LMBRD2: variants seen among roughly 807,000 people sequenced by gnomAD.
The protein encoded by LMBRD2 is LMBR1 domain containing 2, also known as G protein-coupled receptor-associated protein LMBRD2.
A neutral mutation model predicts 94.4 loss-of-function variants in LMBRD2; 55 were observed. The ratio of observed to expected loss-of-function variants is 0.58; its 90% CI spans 0.47 to 0.73. The LOEUF (loss-of-function observed/expected upper bound fraction) is 0.73. Among genes scored for constraint, LMBRD2 ranks in the 30% least tolerant of loss-of-function variants. The probability of loss-of-function intolerance (pLI) is 0.00; values close to 1 mark genes in which losing one functional copy is unlikely to be tolerated. For missense variants in LMBRD2, 640 were observed against 831.9 expected (o/e 0.77, Z 2.84); for synonymous variants, 246 against 272.4 (o/e 0.90, Z 0.95).
chr5:36,120,705 CTCT>C (rs914288188), intron 9 of LMBRD2, among the ~76,000 whole-genome samples: 5 of 152,132 alleles, frequency 3.3e-5, no homozygotes, highest in Non-Finnish European at 7.3e-5. Flanking sequence ...CCAATTGCTC[CTCT>C]TCTTATTTCT....
chr5:36,117,425 A>T (rs1743783758), intron 10 of LMBRD2, among the ~76,000 whole-genome samples: 1 of 152,076 alleles, frequency 6.6e-6, no homozygotes, highest in Non-Finnish European at 1.5e-5. Flanking sequence ...TTGAGGCTGC[A>T]GTGAGCCATG....
rs925408587 is a variant in LMBRD2 at position 36,102,650 on chromosome 5, C to A, written c.*1396G>T. On this transcript the variant is annotated 3_prime_UTR_variant, in exon 18 of 18. Coordinates refer to ENST00000296603, the MANE Select transcript of LMBRD2 (RefSeq NM_001007527.2). The stretch of plus-strand genomic sequence containing the variant: ...CATAGAGCTGTGTTTTAAAAAAAAA[C>A]TTACATGATAATATTTATTAAAAAT... The A allele has an allele frequency of 2.0e-5, 3 of 151,240 alleles. No homozygotes were observed. The highest frequency in any genetic ancestry group is 6.6e-5 in the Admixed American group (1 of 15,176). The allele number at this position is 151,240 out of a possible 1,614,324, so 9.4% of individuals were successfully genotyped here. A position where few individuals can be genotyped will look rare whatever the true frequency, so the allele number is the denominator to read the frequency against.
intron 13 of LMBRD2, among the ~76,000 whole-genome samples, chr5:36,113,749 T>C (rs886092845): frequency 2.0e-5 from 3 of 152,118 alleles, no homozygotes; most frequent in Admixed American, 2.0e-4. Flanking sequence ...TATGGAGCAC[T>C]TCAGCAATGA....
At chr5:36,139,691 T>C (rs1025559039) in intron 4 of LMBRD2, among the ~76,000 whole-genome samples, 19 of 152,206 alleles carry the variant, frequency 1.2e-4, no homozygotes, top group African/African-American at 4.1e-4. Flanking sequence ...GTCTCCTCTC[T>C]ACTGGGGGCT....
At chr5:36,144,263 A>T (rs1299900042) in intron 1 of LMBRD2, among the ~76,000 whole-genome samples, 1 of 152,214 alleles carries the variant, frequency 6.6e-6, no homozygotes, top group African/African-American at 2.4e-5. Context: ...AAAATTTACT[A>T]ATCAAAGGCA....
At chr5:36,109,210 T>G (rs953721095) in intron 15 of LMBRD2, among the ~76,000 whole-genome samples, 37 of 152,070 alleles carry the variant, frequency 2.4e-4, no homozygotes, top group African/African-American at 8.9e-4. Flanking sequence ...AAAACATCCT[T>G]GCCAGATGCT....
intron 4 of LMBRD2, 118 bp from the exon 5 acceptor site, chr5:36,137,559 T>A: frequency 3.6e-6 from 2 of 552,630 alleles, no homozygotes; most frequent in Non-Finnish European, 6.1e-6. Flanking sequence ...CATTAATAAA[T>A]GTTTATAAGT....
At chr5:36,148,460 T>C (rs1744606690) in intron 1 of LMBRD2, among the ~76,000 whole-genome samples, 2 of 152,176 alleles carry the variant, frequency 1.3e-5, no homozygotes, top group Admixed American at 1.3e-4. Flanking sequence ...TTCTTAAAGA[T>C]TTCATACATA....
chr5:36,109,334 T>C lies in LMBRD2; in HGVS notation c.1791+611A>G, dbSNP rs75015515. Among the ~76,000 whole-genome samples, 830 of 152,230 alleles carry C rather than the reference T, an allele frequency of 5.5e-3. 3 individuals carry two copies. The highest frequency in any genetic ancestry group is 0.01 in the Middle Eastern group (3 of 294). ...ATAGAGAAGAGAAATCTATCTCTAG[T>C]AACTTCTACTCTTTGGTTCTAGTTC... On this transcript the variant is annotated intron_variant, in intron 15 of 17. Transcript: ENST00000296603.
chr5:36,147,165 T>G (rs1233986903), intron 1 of LMBRD2, among the ~76,000 whole-genome samples: 1 of 152,164 alleles, frequency 6.6e-6, no homozygotes, highest in Non-Finnish European at 1.5e-5. Flanking sequence ...CCATACCATC[T>G]ATTTCTGTTG....
At chr5:36,141,246 T>C in intron 3 of LMBRD2, 44 bp from the exon 4 acceptor site, 1 of 1,083,184 alleles carries the variant, frequency 9.2e-7, no homozygotes, top group African/African-American at 1.6e-5. Flanking sequence ...AAATGACTAC[T>C]TAAATGAATT....
intron 1 of LMBRD2, among the ~76,000 whole-genome samples, chr5:36,148,594 C>G (rs184015208): frequency 6.6e-6 from 1 of 152,234 alleles, no homozygotes; most frequent in East Asian, 1.9e-4. Flanking sequence ...TGTATTAATA[C>G]TAGTACCTGC....
chr5:36,128,654 G>C (rs1744064620), intron 6 of LMBRD2, among the ~76,000 whole-genome samples: 1 of 152,096 alleles, frequency 6.6e-6, no homozygotes, highest in Admixed American at 6.6e-5. Context: ...GAGTCCAGGA[G>C]GTGGAGACTG....
Position 36,109,990 on chromosome 5 carries a change from C to T in LMBRD2, c.1746G>A (p.Glu582=). The part of the protein sequence containing the change: ...VNEGKELIRK[E]KRKRQRQEEG... ...CTTCTTGCCTTTGCCTTTTTCTCTT[C>T]TCTAAAGACAGAAAAATGATCTCAA... is the stretch of plus-strand genomic sequence containing the variant. Residue 582 remains glutamate (E), a splice_region_variant and synonymous_variant, in exon 15 of 18, where the codon GAG becomes GAA. Transcript: ENST00000296603. 2 of 1,606,136 alleles carry T rather than the reference C, an allele frequency of 1.2e-6. No homozygotes were observed. Among genetic ancestry groups the T allele is most frequent in the Non-Finnish European group, 8.5e-7 (1 of 1,173,886 alleles).
At chr5:36,124,291 A>C (rs1472920000) in intron 6 of LMBRD2, 26 bp from the exon 7 acceptor site, 1 of 1,333,728 alleles carries the variant, frequency 7.5e-7, no homozygotes. Flanking sequence ...AATAAATAAA[A>C]ATATTTCCAT....
At chr5:36,132,664 C>CAAAAA (rs35930344) in intron 6 of LMBRD2, among the ~76,000 whole-genome samples, 41 of 133,958 alleles carry the variant, frequency 3.1e-4, no homozygotes, top group African/African-American at 9.8e-4. Flanking sequence ...TTGAATTTCT[C>CAAAAA]AAAAAAAAAA....
At chr5:36,135,981 G>A (rs1240451183) in intron 6 of LMBRD2, among the ~76,000 whole-genome samples, 2 of 152,130 alleles carry the variant, frequency 1.3e-5, no homozygotes, top group Admixed American at 1.3e-4. Context: ...TACTATGTTA[G>A]GGTAACCATA....
At chr5:36,131,416 G>A (rs1379609151) in intron 6 of LMBRD2, among the ~76,000 whole-genome samples, 1 of 152,028 alleles carries the variant, frequency 6.6e-6, no homozygotes, top group Non-Finnish European at 1.5e-5. Context: ...TTTCCTTTAA[G>A]ATCCATAACA....
intron 14 of LMBRD2, among the ~76,000 whole-genome samples, chr5:36,110,813 T>C (rs1276347599): frequency 6.6e-6 from 1 of 152,086 alleles, no homozygotes; most frequent in African/African-American, 2.4e-5. Flanking sequence ...AAACCGATGA[T>C]TCTTTAAATT....
Sources: gnomAD v4.1 joint callset for allele counts (sites outside exome capture counted in the v4.1 genomes callset) on GRCh38, gnomAD v4.1.1 for gene constraint, MANE v1.5 for transcripts, NCBI Gene and HGNC (gene_info 2026-07-23, HGNC 2026-07-21) for gene names.